Variants in ST6GALNAC3 observed in about 807,000 individuals in gnomAD.
The protein encoded by ST6GALNAC3 is ST6 N-acetylgalactosaminide alpha-2,6-sialyltransferase 3.
ST6GALNAC3 carries 25 observed loss-of-function variants against 32.7 expected under a neutral mutation model. The observed-to-expected ratio is 0.76, with a 90% CI of 0.56 to 1.07. The LOEUF is 1.07. Among genes scored for constraint, ST6GALNAC3 ranks in the 50% least tolerant of loss-of-function variants. The pLI is 0.00. For missense variants in ST6GALNAC3, 355 were observed against 382.4 expected (o/e 0.93, Z 0.60); for synonymous variants, 129 against 133.1 (o/e 0.97, Z 0.21).
chr1:76,209,166 T>TG (rs1028834983), intron 1 of ST6GALNAC3, among the ~76,000 whole-genome samples: 2 of 152,218 alleles, frequency 1.3e-5, no homozygotes, highest in African/African-American at 4.8e-5. Context: ...ATTGCTAAGT[T>TG]GCATTGTCTT....
At chr1:76,212,810 C>A (rs58686996) in intron 1 of ST6GALNAC3, among the ~76,000 whole-genome samples, 8,500 of 152,132 alleles carry the variant, frequency 0.056, 231 homozygotes, top group African/African-American at 0.073. Context: ...ATAAGGGATG[C>A]TTTCTTGGTC....
chr1:76,158,335 G>T (rs1651594615), intron 1 of ST6GALNAC3, among the ~76,000 whole-genome samples: 1 of 152,092 alleles, frequency 6.6e-6, no homozygotes, highest in Non-Finnish European at 1.5e-5. Context: ...CTACACCCTG[G>T]ACATAGCAAC....
intron 1 of ST6GALNAC3, among the ~76,000 whole-genome samples, chr1:76,160,692 G>A (rs138573861): frequency 2.0e-5 from 3 of 152,182 alleles, no homozygotes; most frequent in Admixed American, 1.3e-4. Context: ...CTTCCATCAC[G>A]GAGAAAATCT....
intron 1 of ST6GALNAC3, among the ~76,000 whole-genome samples, chr1:76,093,782 A>G (rs1262493731): frequency 6.6e-6 from 1 of 152,128 alleles, no homozygotes; most frequent in Non-Finnish European, 1.5e-5. Flanking sequence ...TTACCTTCCC[A>G]CAGTTTCCCA....
chr1:76,340,532 G>A (rs1223754038), intron 2 of ST6GALNAC3, among the ~76,000 whole-genome samples: 1 of 152,146 alleles, frequency 6.6e-6, no homozygotes, highest in Non-Finnish European at 1.5e-5. Context: ...GCCTGGCCAG[G>A]GCCCAGAGAG....
chr1:76,416,848 G>A (rs891171897), intron 3 of ST6GALNAC3, among the ~76,000 whole-genome samples: 2 of 151,816 alleles, frequency 1.3e-5, no homozygotes, highest in African/African-American at 4.8e-5. Context: ...GGCTAGTCTC[G>A]AACTCCTGAC....
chr1:76,303,298 T>A (rs1193708610), intron 1 of ST6GALNAC3, among the ~76,000 whole-genome samples: 1 of 151,952 alleles, frequency 6.6e-6, no homozygotes, highest in Non-Finnish European at 1.5e-5. Flanking sequence ...CAGAGATACT[T>A]TCCATTTTCA....
intron 3 of ST6GALNAC3, among the ~76,000 whole-genome samples, chr1:76,512,395 ACT>A (rs767055133): frequency 2.0e-5 from 3 of 152,044 alleles, no homozygotes; most frequent in Non-Finnish European, 2.9e-5. Flanking sequence ...TTAAAATTAT[ACT>A]CTCAGTATTA....
intron 3 of ST6GALNAC3, among the ~76,000 whole-genome samples, chr1:76,622,881 G>T (rs1277396079): frequency 1.3e-5 from 2 of 151,904 alleles, no homozygotes; most frequent in Non-Finnish European, 2.9e-5. Flanking sequence ...TTATCTGAAA[G>T]GGAAATGTCA....
At chr1:76,120,477 G>C (rs753737768) in intron 1 of ST6GALNAC3, among the ~76,000 whole-genome samples, 1 of 152,184 alleles carries the variant, frequency 6.6e-6, no homozygotes, top group Non-Finnish European at 1.5e-5. Flanking sequence ...CCTTATGTTA[G>C]TGGCATACTT....
At chr1:76,555,774 G>A (rs761736156) in intron 3 of ST6GALNAC3, among the ~76,000 whole-genome samples, 1 of 152,082 alleles carries the variant, frequency 6.6e-6, no homozygotes, top group Non-Finnish European at 1.5e-5. Flanking sequence ...AAAGATTACA[G>A]TAGAATTCCC....
intron 1 of ST6GALNAC3, among the ~76,000 whole-genome samples, chr1:76,247,573 C>T (rs1456600643): frequency 6.6e-6 from 1 of 152,170 alleles, no homozygotes; most frequent in Non-Finnish European, 1.5e-5. Context: ...CTTTGCCATG[C>T]TGTGGTGAAT....
intron 3 of ST6GALNAC3, among the ~76,000 whole-genome samples, chr1:76,494,468 T>TACAC (rs1472281207): frequency 0.11 from 6,295 of 59,248 alleles, 1,252 homozygotes; most frequent in Non-Finnish European, 0.13. Flanking sequence ...TATATATATA[T>TACAC]ACACACACAC....
At chr1:76,468,093 C>A (rs1056617438) in intron 3 of ST6GALNAC3, among the ~76,000 whole-genome samples, 1 of 151,652 alleles carries the variant, frequency 6.6e-6, no homozygotes, top group East Asian at 1.9e-4. Flanking sequence ...ATTCTTCCTT[C>A]TCTCCTTCTT....
intron 3 of ST6GALNAC3, among the ~76,000 whole-genome samples, chr1:76,596,534 G>T (rs2100607588): frequency 6.6e-6 from 1 of 152,292 alleles, no homozygotes; most frequent in Admixed American, 6.5e-5. Context: ...ATGTAATGTA[G>T]ACAAATTTGT....
chr1:76,291,209 A>C (rs1301927250), intron 1 of ST6GALNAC3, among the ~76,000 whole-genome samples: 1 of 152,250 alleles, frequency 6.6e-6, no homozygotes, highest in Non-Finnish European at 1.5e-5. Flanking sequence ...AGCCTTCTTC[A>C]GTATTTTACA....
intron 1 of ST6GALNAC3, among the ~76,000 whole-genome samples, chr1:76,250,918 A>G (rs962129574): frequency 6.6e-6 from 1 of 152,296 alleles, no homozygotes; most frequent in South Asian, 2.1e-4. Context: ...TTAAAAAACA[A>G]TGACACTCAC....
At chr1:76,479,414 T>C (rs564068943) in intron 3 of ST6GALNAC3, among the ~76,000 whole-genome samples, 2 of 152,346 alleles carry the variant, frequency 1.3e-5, no homozygotes, top group African/African-American at 4.8e-5. Context: ...GACTGGGTAA[T>C]TTATAATGAT....
At chr1:76,542,758 T>C (rs1570189537) in intron 3 of ST6GALNAC3, among the ~76,000 whole-genome samples, 1 of 152,186 alleles carries the variant, frequency 6.6e-6, no homozygotes, top group Non-Finnish European at 1.5e-5. Context: ...GCCATAATAA[T>C]AAGCTACCTC....
Sources: allele counts gnomAD v4.1 joint callset (sites outside exome capture counted in the v4.1 genomes callset), GRCh38; gene constraint gnomAD v4.1.1; transcripts MANE v1.5; gene names NCBI Gene and HGNC (gene_info 2026-07-23, HGNC 2026-07-21).